CPSF7: variants seen among roughly 807,000 people sequenced by gnomAD.
CPSF7 encodes the protein cleavage and polyadenylation specificity factor subunit 7.
In CPSF7, 1 loss-of-function variant was observed where a neutral mutation model predicts 44.3. That is an observed-to-expected ratio of 0.02 (90% CI 0.01 to 0.11). The LOEUF is 0.11. Among genes scored for constraint, CPSF7 ranks in the 10% least tolerant of loss-of-function variants. The probability of loss-of-function intolerance (pLI) is 1.00; values close to 1 mark genes in which losing one functional copy is unlikely to be tolerated. For synonymous variants in CPSF7, 202 were observed against 222.0 expected (o/e 0.91, Z 0.80); for missense variants, 443 against 607.2 (o/e 0.73, Z 2.84).
chr11:61,410,010 G>A (rs937498006), intron 9 of CPSF7, among the ~76,000 whole-genome samples: 2 of 152,066 alleles, frequency 1.3e-5, no homozygotes, highest in Admixed American at 1.3e-4. Context: ...GCTCAGGCTG[G>A]TCTCAAACTC....
chr11:61,418,452 A>T (rs1046418399), intron 5 of CPSF7, among the ~76,000 whole-genome samples: 2 of 152,188 alleles, frequency 1.3e-5, no homozygotes, highest in Admixed American at 1.3e-4. Context: ...AGGCCCTAGG[A>T]GACTGATTCA....
intron 2 of CPSF7, among the ~76,000 whole-genome samples, chr11:61,428,546 G>A (rs1478071439): frequency 2.6e-5 from 4 of 152,182 alleles, no homozygotes; most frequent in African/African-American, 9.7e-5. Flanking sequence ...CTGAGGGTAT[G>A]TGCATGGGTC....
intron 7 of CPSF7, among the ~76,000 whole-genome samples, chr11:61,412,212 G>A (rs770704910): frequency 1.4e-4 from 21 of 152,032 alleles, no homozygotes; most frequent in Non-Finnish European, 2.6e-4. Context: ...CATATTTTTT[G>A]AGCCAGCAAT....
rs1481574078 is a variant in CPSF7 at position 61,421,501 on chromosome 11, A to G, written c.162T>C (p.Pro54=). Residue 54 remains proline (P), a synonymous_variant, in exon 3 of 10, where the codon CCT becomes CCC. Coordinates refer to ENST00000439958, the MANE Select transcript of CPSF7 (RefSeq NM_001142565.3). ...GCTTGGGAGATGGCTCCTGGCGAAC[A>G]GGAGGAGGTGGTTCAGTGCTGCTGC... The part of the protein sequence containing the change: ...DRSSSTEPPP[P]VRQEPSPKPN... The G allele has an allele frequency of 6.2e-7, 1 of 1,614,104 alleles. No homozygotes were observed. Among genetic ancestry groups the G allele is most frequent in the South Asian group, 1.1e-5 (1 of 91,080 alleles).
chr11:61,415,591 G>A lies in CPSF7; in HGVS notation c.1057+75C>T. 3 of 945,846 alleles carry A rather than the reference G, an allele frequency of 3.2e-6. No individual in the cohort carries two copies. The South Asian group carries it at 4.1e-5, about 13-fold the overall frequency. The allele number at this position is 945,846 out of a possible 1,614,324, so 58.6% of individuals were successfully genotyped here. On this transcript the variant is annotated intron_variant, in intron 7 of 9. Coordinates refer to ENST00000439958, the MANE Select transcript of CPSF7 (RefSeq NM_001142565.3). The stretch of plus-strand genomic sequence containing the variant: ...TCCAACTTTATCTTGTTGAACTTTT[G>A]CCAGTAGAAATGACAAAATCAGGAA...
At position 61,405,113 on chromosome 11, in the gene CPSF7, C is replaced by T. The variant is rs950946571; in HGVS notation, c.*6-409G>A. Among the ~76,000 whole-genome samples, 26 of 152,262 alleles carry T rather than the reference C, an allele frequency of 1.7e-4. 1 individual carries two copies. The highest frequency in any genetic ancestry group is 6.3e-4 in the African/African-American group (26 of 41,548). Reference sequence around the variant, plus strand: ...GAAGTCTATTCTGTGCAAGTCATAGCTTACCTTAAGGGGAGGGGGAAAAAT... The same window carrying T: ...GAAGTCTATTCTGTGCAAGTCATAGTTTACCTTAAGGGGAGGGGGAAAAAT... On this transcript the variant is annotated intron_variant, in intron 9 of 9. Coordinates refer to ENST00000439958, the MANE Select transcript of CPSF7 (RefSeq NM_001142565.3).
chr11:61,423,484 T>C lies in CPSF7; in HGVS notation c.55-1876A>G, dbSNP rs1002834460. Among the ~76,000 whole-genome samples, 7 of 152,294 alleles carry C rather than the reference T, an allele frequency of 4.6e-5. No individual in the cohort carries two copies. In the East Asian group the frequency reaches 1.2e-3, roughly 25 times the overall value. ...CCGTGCCTAGCCTCAGAGAAATCTTTTTAAGGATTAGACAAGCATTTTATT... is the reference window on the plus strand; with the variant it reads ...CCGTGCCTAGCCTCAGAGAAATCTTCTTAAGGATTAGACAAGCATTTTATT... On this transcript the variant is annotated intron_variant, in intron 2 of 9. Coordinates refer to ENST00000439958, the MANE Select transcript of CPSF7 (RefSeq NM_001142565.3).
chr11:61,418,430 A>G (rs1483205493), intron 5 of CPSF7, among the ~76,000 whole-genome samples: 7 of 152,196 alleles, frequency 4.6e-5, no homozygotes, highest in Non-Finnish European at 1.0e-4. Context: ...ACTTGCTTCA[A>G]CTGGGGTGAC....
chr11:61,414,588 AGAT>A (rs1860146220), intron 7 of CPSF7, among the ~76,000 whole-genome samples: 1 of 152,268 alleles, frequency 6.6e-6, no homozygotes, highest in Non-Finnish European at 1.5e-5. Flanking sequence ...GATGGAAAGC[AGAT>A]GATAATATTT....
chr11:61,420,898 T>C (rs961011113), intron 3 of CPSF7: 41 of 494,020 alleles, frequency 8.3e-5, no homozygotes, highest in Non-Finnish European at 1.3e-4. Flanking sequence ...GAGTTGACCA[T>C]TGCCAGAACT....
intron 5 of CPSF7, among the ~76,000 whole-genome samples, chr11:61,418,635 T>G (rs950695431): frequency 5.3e-5 from 8 of 152,146 alleles, no homozygotes; most frequent in Non-Finnish European, 1.0e-4. Flanking sequence ...GAAAGTGGCT[T>G]AGTGAGTACA....
chr11:61,426,987 C>G (rs1010604593), intron 2 of CPSF7: 3 of 131,770 alleles, frequency 2.3e-5, no homozygotes, highest in African/African-American at 8.6e-5. Flanking sequence ...AAGATGGTGC[C>G]ACTGCTCTCC....
At chr11:61,426,878 T>C (rs1421800030) in intron 2 of CPSF7, 14 of 151,894 alleles carry the variant, frequency 9.2e-5, no homozygotes, top group Admixed American at 5.9e-4. Flanking sequence ...ATACAAAAAT[T>C]AGCTGGGCAT....
intron 9 of CPSF7, among the ~76,000 whole-genome samples, chr11:61,408,550 T>TA (rs1859542201): frequency 6.6e-6 from 1 of 152,210 alleles, no homozygotes; most frequent in South Asian, 2.1e-4. Flanking sequence ...GACAGACCCC[T>TA]AGCCACTCTG....
intron 2 of CPSF7, among the ~76,000 whole-genome samples, chr11:61,425,353 T>G (rs963060859): frequency 1.2e-4 from 18 of 152,248 alleles, no homozygotes; most frequent in African/African-American, 3.9e-4. Flanking sequence ...TAAAATCAAA[T>G]TCTACAAATT....
intron 9 of CPSF7, among the ~76,000 whole-genome samples, chr11:61,407,084 G>C (rs1364437154): frequency 1.3e-5 from 2 of 152,114 alleles, no homozygotes; most frequent in African/African-American, 4.8e-5. Flanking sequence ...TTTTATAAGT[G>C]GAAGAAATAA....
At chr11:61,406,966 G>A (rs755637589) in intron 9 of CPSF7, among the ~76,000 whole-genome samples, 8 of 152,138 alleles carry the variant, frequency 5.3e-5, no homozygotes, top group Non-Finnish European at 8.8e-5. Flanking sequence ...TGGTAGAGAC[G>A]AGTGTTTTGC....
rs377313076 is a variant in CPSF7, at chr11:61,406,560, CA to C, written c.*6-1857del. The stretch of plus-strand genomic sequence containing the variant: ...TATTCAGATGCAATAACCACTATAT[CA>C]AACGGGTGACCAGGAAAAGTGAGGA... On this transcript the variant is annotated intron_variant, in intron 9 of 9. Coordinates refer to ENST00000439958, the MANE Select transcript of CPSF7 (RefSeq NM_001142565.3). Among the ~76,000 whole-genome samples the C allele has an allele frequency of 9.0e-4, 137 of 152,252 alleles. 2 individuals are homozygous for C. The highest frequency in any genetic ancestry group is 3.4e-3 in the Middle Eastern group (1 of 294).
At chr11:61,425,668 C>T (rs376227221) in intron 2 of CPSF7, among the ~76,000 whole-genome samples, 1 of 152,158 alleles carries the variant, frequency 6.6e-6, no homozygotes, top group Admixed American at 6.5e-5. Context: ...TCAGAGCAAC[C>T]AACTTGATAC....
Sources: gnomAD v4.1 joint callset for allele counts (sites outside exome capture counted in the v4.1 genomes callset) on GRCh38, gnomAD v4.1.1 for gene constraint, MANE v1.5 for transcripts, NCBI Gene and HGNC (gene_info 2026-07-23, HGNC 2026-07-21) for gene names.